The following MIS18A variants were observed in gnomAD, a reference collection of about 807,000 sequenced individuals.
MIS18A encodes the protein MIS18 kinetochore protein A.
Under a neutral mutation model 25.0 loss-of-function variants are expected in MIS18A, and 14 were observed. The ratio of observed to expected loss-of-function variants is 0.56; its 90% CI spans 0.37 to 0.88. The LOEUF is 0.88. MIS18A is among the 40% of genes least tolerant of loss of function. The probability of loss-of-function intolerance (pLI) is 0.00; values close to 1 mark genes in which losing one functional copy is unlikely to be tolerated. For synonymous variants in MIS18A, 134 were observed against 118.6 expected (o/e 1.13, Z -0.84); for missense variants, 292 against 290.8 (o/e 1.00, Z -0.03).
chr21:32,258,940 A>T, the MIS18A span, among the ~76,000 whole-genome samples: 2 of 152,070 alleles, frequency 1.3e-5, no homozygotes, highest in South Asian at 4.2e-4. Context: ...GTGGTAAGAT[A>T]ACAGCTCACT....
chr21:32,161,782 G>A, the MIS18A span, among the ~76,000 whole-genome samples: 1 of 150,800 alleles, frequency 6.6e-6, no homozygotes, highest in South Asian at 2.1e-4. Context: ...ATGAGCCACT[G>A]CACCTGGCCG....
chr21:32,193,575 G>A, the MIS18A span, among the ~76,000 whole-genome samples: 1,146 of 152,210 alleles, frequency 7.5e-3, 12 homozygotes, highest in African/African-American at 0.025. Flanking sequence ...CTGGAATTGC[G>A]TAAATAATTT....
At chr21:32,275,099 C>T (rs763074896) in intron 1 of MIS18A, among the ~76,000 whole-genome samples, 10 of 152,042 alleles carry the variant, frequency 6.6e-5, no homozygotes, top group African/African-American at 1.2e-4. Context: ...TCCAACCAGG[C>T]GCAGGGACTC....
the MIS18A span, among the ~76,000 whole-genome samples, chr21:32,159,678 T>C: frequency 6.6e-6 from 1 of 152,192 alleles, no homozygotes. Flanking sequence ...TAGGAAGGTG[T>C]GAGACATCAA....
Position 32,279,040 on chromosome 21 carries a change from A to G in MIS18A, c.-26T>C, listed in dbSNP as rs1180320537. On this transcript the variant is annotated 5_prime_UTR_variant, in exon 1 of 5. Coordinates refer to ENST00000290130, the MANE Select transcript of MIS18A (RefSeq NM_018944.3). Reference sequence around the variant, plus strand: ...TACCTACAAATCGCCCGCGCCCCAGAGCGCCATGGGAAAAAAAACCGCCGC... The same window carrying G: ...TACCTACAAATCGCCCGCGCCCCAGGGCGCCATGGGAAAAAAAACCGCCGC... 13 of 1,563,430 alleles carry G rather than the reference A, an allele frequency of 8.3e-6. No homozygotes were observed. The highest frequency in any genetic ancestry group is 1.1e-5 in the Non-Finnish European group (13 of 1,157,154).
intron 3 of MIS18A, 51 bp downstream of exon 3, chr21:32,270,356 T>C: frequency 6.2e-7 from 1 of 1,604,828 alleles, no homozygotes; most frequent in South Asian, 1.1e-5. Flanking sequence ...TTCCGTGCCT[T>C]AACTTTCTGA....
At chr21:32,243,585 G>A in the MIS18A span, among the ~76,000 whole-genome samples, 2 of 152,158 alleles carry the variant, frequency 1.3e-5, no homozygotes, top group Non-Finnish European at 2.9e-5. Flanking sequence ...CAGAGAAACT[G>A]GAACATCTAA....
intron 2 of MIS18A, among the ~76,000 whole-genome samples, chr21:32,273,496 G>GC (rs1260113652): frequency 5.9e-5 from 9 of 152,108 alleles, no homozygotes; most frequent in African/African-American, 2.2e-4. Flanking sequence ...GAGATTCCAA[G>GC]CATCTTAGAA....
the MIS18A span, among the ~76,000 whole-genome samples, chr21:32,244,542 G>T: frequency 6.6e-6 from 1 of 152,104 alleles, no homozygotes; most frequent in African/African-American, 2.4e-5. Flanking sequence ...GTTGAGATCT[G>T]CCTGGGCAAC....
the MIS18A span, among the ~76,000 whole-genome samples, chr21:32,222,796 T>C: frequency 6.6e-6 from 1 of 151,814 alleles, no homozygotes. Flanking sequence ...CCAGGTGTGG[T>C]GGTGGGCACC....
chr21:32,181,893 G>A, the MIS18A span, among the ~76,000 whole-genome samples: 1 of 152,082 alleles, frequency 6.6e-6, no homozygotes, highest in Non-Finnish European at 1.5e-5. Context: ...TTCTACCTAC[G>A]AGTCCATGAT....
At chr21:32,178,811 AGT>A in the MIS18A span, among the ~76,000 whole-genome samples, 6 of 152,136 alleles carry the variant, frequency 3.9e-5, no homozygotes, top group Admixed American at 3.9e-4. Context: ...CATTCTGTCT[AGT>A]CTCTCCTTTT....
chr21:32,262,352 T>G, the MIS18A span, among the ~76,000 whole-genome samples: 7 of 152,258 alleles, frequency 4.6e-5, 1 homozygote, highest in Admixed American at 3.3e-4. Flanking sequence ...CTAAGGTTTC[T>G]CCTCAAAATG....
At chr21:32,160,370 A>G in the MIS18A span, among the ~76,000 whole-genome samples, 1 of 151,948 alleles carries the variant, frequency 6.6e-6, no homozygotes, top group Non-Finnish European at 1.5e-5. Context: ...TTACATTAGT[A>G]CAGTATGTGA....
chr21:32,206,931 C>T, the MIS18A span, among the ~76,000 whole-genome samples: 8 of 152,178 alleles, frequency 5.3e-5, no homozygotes, highest in South Asian at 2.1e-4. Flanking sequence ...AGGCTCTACC[C>T]GTTCAGTTTC....
At chr21:32,192,575 C>T in the MIS18A span, among the ~76,000 whole-genome samples, 371 of 152,300 alleles carry the variant, frequency 2.4e-3, 3 homozygotes, top group African/African-American at 8.3e-3. Flanking sequence ...TACAGTCTCA[C>T]ATGGTCTCTC....
chr21:32,257,841 C>A, the MIS18A span, among the ~76,000 whole-genome samples: 2 of 152,100 alleles, frequency 1.3e-5, no homozygotes, highest in African/African-American at 4.8e-5. Flanking sequence ...ACTTAATGCA[C>A]GAGTATTTTT....
At chr21:32,215,688 C>T in the MIS18A span, among the ~76,000 whole-genome samples, 2 of 152,136 alleles carry the variant, frequency 1.3e-5, no homozygotes, top group African/African-American at 4.8e-5. Flanking sequence ...TGCCCTCTTA[C>T]TCATAATTTT....
chr21:32,236,276 G>A, the MIS18A span, among the ~76,000 whole-genome samples: 17 of 151,826 alleles, frequency 1.1e-4, no homozygotes, highest in Admixed American at 2.0e-4. Context: ...TCAGCTACTC[G>A]GGAGGCTGAG....
Sources: allele counts gnomAD v4.1 joint callset (sites outside exome capture counted in the v4.1 genomes callset), GRCh38; gene constraint gnomAD v4.1.1; transcripts MANE v1.5; gene names NCBI Gene and HGNC (gene_info 2026-07-23, HGNC 2026-07-21).